MDN1: variants seen among roughly 807,000 people sequenced by gnomAD.
MDN1 encodes midasin.
In MDN1, 266 loss-of-function variants were observed where a neutral mutation model predicts 669.2. That is an observed-to-expected ratio of 0.40 (90% CI 0.36 to 0.44). The LOEUF (loss-of-function observed/expected upper bound fraction) is 0.44, where lower values mean the gene tolerates loss of function less well. Among genes scored for constraint, MDN1 ranks in the 20% least tolerant of loss-of-function variants. The pLI, the probability that MDN1 is intolerant of heterozygous loss-of-function variation, is 1.00. For missense variants in MDN1, 5,940 were observed against 6,754.0 expected, an observed-to-expected ratio of 0.88 and a Z score of 4.22; for synonymous variants, 2,385 against 2,457.1, an observed-to-expected ratio of 0.97 and a Z score of 0.87.
chr6:89,717,331 C>T (rs896805056), intron 43 of MDN1, among the ~76,000 whole-genome samples: 4 of 152,134 alleles, frequency 2.6e-5, no homozygotes, highest in African/African-American at 9.7e-5. Flanking sequence ...CAAGGTAATA[C>T]ACATTGGATT....
intron 1 of MDN1, among the ~76,000 whole-genome samples, chr6:89,808,549 T>C (rs1239118741): frequency 2.0e-5 from 3 of 152,052 alleles, no homozygotes; most frequent in Non-Finnish European, 2.9e-5. Context: ...TCACGAAATT[T>C]CCCTAAGAAG....
At chr6:89,785,473 A>C (rs1017834977) in intron 8 of MDN1, among the ~76,000 whole-genome samples, 1 of 152,234 alleles carries the variant, frequency 6.6e-6, no homozygotes, top group African/African-American at 2.4e-5. Context: ...TCCAAGGCTC[A>C]TAGCATTAAC....
chr6:89,729,283 C>A, intron 35 of MDN1, 144 bp from the exon 36 acceptor site: 1 of 669,986 alleles, frequency 1.5e-6, no homozygotes, highest in Non-Finnish European at 2.5e-6. Flanking sequence ...ATCCCTATTT[C>A]AATATTTCCC....
intron 20 of MDN1, among the ~76,000 whole-genome samples, chr6:89,754,908 T>C (rs1817162002): frequency 6.6e-6 from 1 of 152,168 alleles, no homozygotes; most frequent in Non-Finnish European, 1.5e-5. Context: ...TTTTTGTAGA[T>C]AGCAAAAATA....
intron 71 of MDN1, 118 bp downstream of exon 71, chr6:89,684,758 A>G: frequency 1.6e-6 from 1 of 610,688 alleles, no homozygotes; most frequent in South Asian, 2.3e-5. Context: ...AGCGGTGGCA[A>G]TGCTCACCTC....
At chr6:89,718,240 T>C in intron 43 of MDN1, 126 bp downstream of exon 43, 1 of 1,115,554 alleles carries the variant, frequency 9.0e-7, no homozygotes, top group East Asian at 2.5e-5. Context: ...TAGGTCAAAC[T>C]TTCCCACAAG....
At chr6:89,784,934 G>A (rs894659888) in intron 9 of MDN1, 78 bp downstream of exon 9, 1 of 908,804 alleles carries the variant, frequency 1.1e-6, no homozygotes, top group Non-Finnish European at 1.8e-6. Flanking sequence ...GGGTTCTGGT[G>A]GTTTATTATA....
chr6:89,789,741 A>T, intron 7 of MDN1, 39 bp downstream of exon 7: 1 of 1,545,426 alleles, frequency 6.5e-7, no homozygotes, highest in Non-Finnish European at 8.7e-7. Flanking sequence ...AAGACAGGAA[A>T]ATATATTAAG....
rs200104008 is a variant in MDN1 at position 89,692,978 on chromosome 6, A to C, written c.10052T>G (p.Leu3351Arg). The change falls in exon 63 of 102, where the codon CTG (leucine) becomes CGG (arginine). Residue 3351 changes from leucine to arginine, a missense_variant. By Grantham distance (102) the Leu-to-Arg change is moderately radical. Transcript: ENST00000369393. Reference protein sequence around the residue: ...PAVQDLLTRLLQALHIDGPRS... With the variant: ...PAVQDLLTRLRQALHIDGPRS... ...TGGCCCATCTATGTGGAGGGCCTGC[A>C]GAAGCCGTGTGAGCAGATCCTGAAC... 6.2e-7 allele frequency: 1 copy of C among 1,614,218 alleles called. No individual in the cohort carries two copies.
intron 5 of MDN1, among the ~76,000 whole-genome samples, chr6:89,793,358 C>G (rs527609453): frequency 6.6e-6 from 1 of 152,170 alleles, no homozygotes; most frequent in Admixed American, 6.6e-5. Context: ...AGAAGATATA[C>G]GGAACAGCTC....
intron 10 of MDN1, among the ~76,000 whole-genome samples, chr6:89,780,637 T>C (rs1181180813): frequency 1.4e-5 from 2 of 146,238 alleles, no homozygotes; most frequent in Non-Finnish European, 3.0e-5. Context: ...GGAGATGCCA[T>C]TTCCTTTTTT....
chr6:89,809,215 C>CAAAAAA (rs1167270500), intron 1 of MDN1, among the ~76,000 whole-genome samples: 6 of 59,286 alleles, frequency 1.0e-4, no homozygotes, highest in Admixed American at 2.2e-4. Flanking sequence ...GACACTGTCT[C>CAAAAAA]AAAAAAAAAA....
intron 88 of MDN1, among the ~76,000 whole-genome samples, chr6:89,659,764 A>T (rs1809589009): frequency 6.6e-6 from 1 of 152,266 alleles, no homozygotes; most frequent in South Asian, 2.1e-4. Flanking sequence ...ATATACAGAA[A>T]ATACAACTCA....
At chr6:89,798,241 C>T (rs540335402) in intron 2 of MDN1, among the ~76,000 whole-genome samples, 11 of 146,884 alleles carry the variant, frequency 7.5e-5, no homozygotes, top group Non-Finnish European at 1.4e-4. Context: ...AGGCCAGGCG[C>T]AGTGGCTCAC....
chr6:89,703,372 G>C (rs573334776), intron 53 of MDN1, among the ~76,000 whole-genome samples: 7 of 148,148 alleles, frequency 4.7e-5, no homozygotes, highest in East Asian at 2.1e-4. Context: ...ATGGGGAAGG[G>C]GGGGGGGTCT....
intron 5 of MDN1, among the ~76,000 whole-genome samples, chr6:89,790,692 GACCCC>G (rs1819220449): frequency 1.3e-5 from 2 of 152,068 alleles, no homozygotes; most frequent in Admixed American, 1.3e-4. Flanking sequence ...GTGACACAGA[GACCCC>G]GACTCTAGAA....
intron 11 of MDN1, among the ~76,000 whole-genome samples, chr6:89,777,625 A>G (rs1015116938): frequency 5.3e-5 from 8 of 152,190 alleles, no homozygotes; most frequent in African/African-American, 1.9e-4. Flanking sequence ...ATGTGGCCAG[A>G]GGTCACAAGA....
chr6:89,783,535 C>T (rs1562215067), intron 9 of MDN1, among the ~76,000 whole-genome samples: 1 of 152,196 alleles, frequency 6.6e-6, no homozygotes, highest in Non-Finnish European at 1.5e-5. Flanking sequence ...GGACCCTTAT[C>T]AGTAGTTCTG....
chr6:89,655,950 C>G lies in MDN1; in HGVS notation c.15304G>C (p.Gly5102Arg). Residue 5102 changes from glycine to arginine, a missense_variant, in exon 92 of 102, where the codon GGG (glycine) becomes CGG (arginine). Around this residue, in one of 5 missense-constraint regions of MDN1, gnomAD observed 2,280 missense variants for 2,576.3 expected, o/e 0.88. Transcript: ENST00000369393. ...ATGGAACGTTCATTGTCAGCCTGCC[C>G]AGGTTTCCTCTTAAAACTCTGAGAA... ...KNTQSFKRKPGQADNERSMGD... is the reference protein window; with the variant it reads ...KNTQSFKRKPRQADNERSMGD... 1 of 1,613,828 alleles carries G rather than the reference C, an allele frequency of 6.2e-7. No individual in the cohort carries two copies. The highest frequency in any genetic ancestry group is 8.5e-7 in the Non-Finnish European group (1 of 1,180,000).
Sources: allele counts gnomAD v4.1 joint callset (sites outside exome capture counted in the v4.1 genomes callset), GRCh38; gene constraint gnomAD v4.1.1; regional missense constraint gnomAD v4.1.1; transcripts MANE v1.5; gene names NCBI Gene and HGNC (gene_info 2026-07-23, HGNC 2026-07-21).